Variants in ANKRD44 observed in about 807,000 individuals in gnomAD.
The protein encoded by ANKRD44 is ankyrin repeat domain 44, also known as serine/threonine-protein phosphatase 6 regulatory ankyrin repeat subunit B.
A neutral mutation model predicts 116.0 loss-of-function variants in ANKRD44; 35 were observed. The observed-to-expected ratio is 0.30, with a 90% CI of 0.23 to 0.40. ANKRD44 has a LOEUF of 0.40. Among genes scored for constraint, ANKRD44 ranks in the 10% least tolerant of loss-of-function variants. The probability of loss-of-function intolerance (pLI) is 1.00; values close to 1 mark genes in which losing one functional copy is unlikely to be tolerated. For missense variants in ANKRD44, 1,014 were observed against 1,242.6 expected (o/e 0.82, Z 2.77); for synonymous variants, 435 against 461.8 (o/e 0.94, Z 0.74).
At chr2:197,144,769 C>G (rs908156505) in intron 3 of ANKRD44, among the ~76,000 whole-genome samples, 1 of 152,148 alleles carries the variant, frequency 6.6e-6, no homozygotes, top group Non-Finnish European at 1.5e-5. Flanking sequence ...CTGGTGGATT[C>G]TATGCCCTTG....
chr2:196,984,365 T>G (rs113877104), downstream of ANKRD44, among the ~76,000 whole-genome samples: 8 of 152,298 alleles, frequency 5.3e-5, 1 homozygote, highest in African/African-American at 1.9e-4. Flanking sequence ...GCCTGAGAAT[T>G]AATGAATGGC....
chr2:197,124,632 G>A (rs964676253), intron 6 of ANKRD44, among the ~76,000 whole-genome samples: 18 of 152,180 alleles, frequency 1.2e-4, no homozygotes, highest in Non-Finnish European at 1.2e-4. Context: ...ACAATCTCCT[G>A]TGGATGGGCA....
chr2:197,044,467 A>G (rs1433753195), intron 16 of ANKRD44, among the ~76,000 whole-genome samples: 2 of 152,134 alleles, frequency 1.3e-5, no homozygotes, highest in Non-Finnish European at 2.9e-5. Flanking sequence ...CCTGGGTTCA[A>G]GCAATTCCTG....
chr2:197,108,048 A>G lies in ANKRD44; in HGVS notation c.985+2718T>C, dbSNP rs4343481. On this transcript the variant is annotated intron_variant, in intron 9 of 27. Coordinates refer to ENST00000282272, the MANE Select transcript of ANKRD44 (RefSeq NM_001195144.2). ...TATTTCAAATATAAGTGACTCTCAG[A>G]GTAAACAGAATTCAATTTTAAAAGG... 3.8e-3 allele frequency among the ~76,000 whole-genome samples: 577 copies of G among 152,364 alleles called. 6 individuals are homozygous for G. Among genetic ancestry groups the G allele is most frequent in the African/African-American group, 0.013 (541 of 41,580 alleles).
At chr2:197,012,008 A>T (rs2076309912) in intron 18 of ANKRD44, among the ~76,000 whole-genome samples, 13 of 152,180 alleles carry the variant, frequency 8.5e-5, no homozygotes, top group Admixed American at 8.5e-4. Context: ...ATCTGTGCCA[A>T]AACCTCTCAT....
chr2:197,172,918 G>A (rs560497521), intron 2 of ANKRD44, among the ~76,000 whole-genome samples: 3 of 152,250 alleles, frequency 2.0e-5, no homozygotes, highest in African/African-American at 7.2e-5. Context: ...CCAGGAACAC[G>A]GTAGATGCTC....
chr2:197,038,581 A>G (rs1025786538), intron 16 of ANKRD44, among the ~76,000 whole-genome samples: 9 of 152,344 alleles, frequency 5.9e-5, no homozygotes, highest in African/African-American at 1.9e-4. Context: ...CATCAAAATT[A>G]AGTTTTTATA....
At chr2:197,093,437 G>A (rs1009842494) in intron 10 of ANKRD44, among the ~76,000 whole-genome samples, 2 of 151,912 alleles carry the variant, frequency 1.3e-5, no homozygotes, top group Non-Finnish European at 2.9e-5. Context: ...TTACAAACCT[G>A]AGAAGATGAA....
At chr2:197,247,924 C>A (rs181720076) in intron 1 of ANKRD44, among the ~76,000 whole-genome samples, 2 of 152,256 alleles carry the variant, frequency 1.3e-5, no homozygotes, top group Non-Finnish European at 2.9e-5. Context: ...GGACAGGGCT[C>A]CCCGTTGGAC....
intron 1 of ANKRD44, among the ~76,000 whole-genome samples, chr2:197,292,244 C>T (rs1283520167): frequency 6.6e-6 from 1 of 152,158 alleles, no homozygotes; most frequent in Non-Finnish European, 1.5e-5. Flanking sequence ...CTTGAGAGAT[C>T]GCCACACTGT....
intron 1 of ANKRD44, among the ~76,000 whole-genome samples, chr2:197,241,155 T>G (rs1014342856): frequency 2.6e-5 from 4 of 152,148 alleles, no homozygotes; most frequent in African/African-American, 9.7e-5. Context: ...GGGAATGTCC[T>G]ATAACCAGAA....
rs747411025 is a variant in ANKRD44 at position 197,099,808 on chromosome 2, T to G, written c.1100+8A>C. 4.3e-6 allele frequency: 7 copies of G among 1,613,688 alleles called. No homozygotes were observed. In the South Asian group the frequency reaches 5.5e-5, roughly 13 times the overall value. On this transcript the variant is annotated splice_region_variant and intron_variant, in intron 10 of 27. Transcript: ENST00000282272. ...CAATTATTCCACCGTATTTTTGCGGTAACCTACTTGGCTGTGTCAGCTCCG... is the reference window on the plus strand; with the variant it reads ...CAATTATTCCACCGTATTTTTGCGGGAACCTACTTGGCTGTGTCAGCTCCG...
intron 15 of ANKRD44, 99 bp downstream of exon 15, chr2:197,081,546 G>T: frequency 1.9e-6 from 2 of 1,071,820 alleles, no homozygotes; most frequent in Non-Finnish European, 2.8e-6. Context: ...AAGATCCCAA[G>T]TGAAACCCCA....
rs561155235 is a variant in ANKRD44 at position 197,212,477 on chromosome 2, T to C, written c.28-25371A>G. On this transcript the variant is annotated intron_variant, in intron 1 of 27. Transcript: ENST00000282272. The surrounding 1 kb of genome is among the most constrained non-coding windows in gnomAD (Gnocchi z 4.8). ...TCAGGAATCTACCAAGACCATAAGT[T>C]TTAGAAGGGCAGGGATTCGGTCACT... Among the ~76,000 whole-genome samples the C allele has an allele frequency of 1.3e-5, 2 of 152,288 alleles. No individual in the cohort carries two copies. The highest frequency in any genetic ancestry group is 4.1e-4 in the South Asian group (2 of 4,824).
rs67655796 is a variant in ANKRD44, at chr2:197,246,350, C to CTTTT, written c.28-59248_28-59245dup. 6.9e-3 allele frequency among the ~76,000 whole-genome samples: 457 copies of CTTTT among 65,840 alleles called. 127 individuals are homozygous for CTTTT. Among genetic ancestry groups the CTTTT allele is most frequent in the South Asian group, 0.043 (57 of 1,320 alleles). The allele number at this position is 65,840 out of a possible 152,430, so 43.2% of individuals were successfully genotyped here. On this transcript the variant is annotated intron_variant, in intron 1 of 27. Transcript: ENST00000282272. The stretch of plus-strand genomic sequence containing the variant: ...TACAAGTATGCACCACTACATCTGG[C>CTTTT]TTTTTTTTTTTTTTTTTTTTTTTTT...
chr2:197,035,415 T>C (rs182864710), intron 16 of ANKRD44, among the ~76,000 whole-genome samples: 2 of 152,294 alleles, frequency 1.3e-5, no homozygotes, highest in African/African-American at 2.4e-5. Context: ...CTGGTGTGTC[T>C]GAGGTAAGCC....
At chr2:197,137,257 G>A (rs1336955766) in intron 3 of ANKRD44, among the ~76,000 whole-genome samples, 4 of 152,216 alleles carry the variant, frequency 2.6e-5, no homozygotes, top group African/African-American at 9.6e-5. Flanking sequence ...GCTACGAAAG[G>A]AGAGGAGGAG....
chr2:197,052,591 A>C (rs775037933), intron 16 of ANKRD44, among the ~76,000 whole-genome samples: 4 of 152,106 alleles, frequency 2.6e-5, no homozygotes, highest in East Asian at 3.9e-4. Flanking sequence ...AATTACAAGC[A>C]GACCTAAGAA....
chr2:197,061,556 A>G (rs1252046389), intron 16 of ANKRD44, among the ~76,000 whole-genome samples: 1 of 152,232 alleles, frequency 6.6e-6, no homozygotes, highest in African/African-American at 2.4e-5. Context: ...AGAAGTGCGT[A>G]GAGCTCATGG....
Sources: gnomAD v4.1 joint callset for allele counts (sites outside exome capture counted in the v4.1 genomes callset) on GRCh38, gnomAD v4.1.1 for gene constraint, Gnocchi (gnomAD v3.1) non-coding constraint, MANE v1.5 for transcripts, NCBI Gene and HGNC (gene_info 2026-07-23, HGNC 2026-07-21) for gene names.